Variants in WDR47 observed in about 807,000 individuals in gnomAD.
The protein encoded by WDR47 is WD repeat-containing protein 47.
A neutral mutation model predicts 97.2 loss-of-function variants in WDR47; 32 were observed. The ratio of observed to expected loss-of-function variants is 0.33; its 90% CI spans 0.25 to 0.44. The LOEUF (loss-of-function observed/expected upper bound fraction) is 0.44, where lower values mean the gene tolerates loss of function less well. Ranked by LOEUF, WDR47 falls within the 20% of genes least tolerant of loss-of-function variation. The probability of loss-of-function intolerance (pLI) is 1.00; values close to 1 mark genes in which losing one functional copy is unlikely to be tolerated. For synonymous variants in WDR47, 375 were observed against 373.5 expected, an observed-to-expected ratio of 1.00 and a Z score of -0.05; for missense variants, 782 against 1,102.3, an observed-to-expected ratio of 0.71 and a Z score of 4.11.
intron 1 of WDR47, among the ~76,000 whole-genome samples, chr1:109,040,804 G>A (rs916410398): frequency 6.6e-6 from 1 of 151,942 alleles, no homozygotes; most frequent in Non-Finnish European, 1.5e-5. Context: ...GCCAACACTG[G>A]AGACAAAAAA....
intron 14 of WDR47, among the ~76,000 whole-genome samples, chr1:108,972,894 C>T (rs978689345): frequency 3.3e-5 from 5 of 150,558 alleles, no homozygotes; most frequent in Admixed American, 2.7e-4. Flanking sequence ...TGCAGTGAGC[C>T]GACATTGCAC....
intron 2 of WDR47, among the ~76,000 whole-genome samples, chr1:109,020,668 G>A (rs1012467404): frequency 5.9e-5 from 9 of 151,986 alleles, no homozygotes; most frequent in African/African-American, 2.2e-4. Flanking sequence ...CTTGAGAGCT[G>A]CCACTGTTAA....
chr1:109,038,681 AAAAT>A (rs879519810), intron 1 of WDR47, among the ~76,000 whole-genome samples: 1 of 149,590 alleles, frequency 6.7e-6, no homozygotes, highest in Non-Finnish European at 1.5e-5. Flanking sequence ...CCTGTCTCAA[AAAAT>A]AAATAAACAG....
chr1:109,041,185 TC>T (rs1374291043), intron 1 of WDR47, among the ~76,000 whole-genome samples: 1 of 151,380 alleles, frequency 6.6e-6, no homozygotes, highest in Non-Finnish European at 1.5e-5. Context: ...CCAATATTTT[TC>T]TCCCCAATAA....
chr1:109,002,217 G>C lies in WDR47; in HGVS notation c.1433+7C>G. Reference sequence around the variant, plus strand: ...TCCATATTTTAAAAAGTGATTAGAAGACCAACCTATTAAGGAACTGTTCAG... The same window carrying C: ...TCCATATTTTAAAAAGTGATTAGAACACCAACCTATTAAGGAACTGTTCAG... On this transcript the variant is annotated splice_region_variant and intron_variant, in intron 7 of 14. Coordinates refer to ENST00000369962, the MANE Select transcript of WDR47 (RefSeq NM_001142551.2). The C allele has an allele frequency of 6.4e-7, 1 of 1,556,882 alleles. No individual in the cohort carries two copies. Among genetic ancestry groups the C allele is most frequent in the East Asian group, 2.3e-5 (1 of 43,708 alleles).
intron 7 of WDR47, among the ~76,000 whole-genome samples, chr1:109,001,692 C>T (rs912400683): frequency 1.3e-5 from 2 of 151,946 alleles, no homozygotes; most frequent in Non-Finnish European, 2.9e-5. Context: ...GAGTTTGAGA[C>T]CAGCCTGGGC....
chr1:108,992,934 C>T, intron 8 of WDR47: 1 of 915,760 alleles, frequency 1.1e-6, no homozygotes, highest in Non-Finnish European at 1.7e-6. Flanking sequence ...TTTTAATTTC[C>T]TAGAACTTAA....
chr1:108,988,153 G>A (rs1303736249), intron 9 of WDR47, among the ~76,000 whole-genome samples: 2 of 148,494 alleles, frequency 1.3e-5, no homozygotes, highest in Admixed American at 6.7e-5. Flanking sequence ...GCTGAGGTGG[G>A]AGGATCGATT....
chr1:109,023,000 C>A (rs901232223), intron 2 of WDR47, among the ~76,000 whole-genome samples: 8 of 151,432 alleles, frequency 5.3e-5, no homozygotes, highest in African/African-American at 1.9e-4. Context: ...GTCAGGAGAT[C>A]GAGACCATCC....
chr1:109,037,866 T>C (rs1411686567), intron 1 of WDR47, among the ~76,000 whole-genome samples: 1 of 152,106 alleles, frequency 6.6e-6, no homozygotes, highest in Non-Finnish European at 1.5e-5. Context: ...TCTTTCTTTC[T>C]TTCTCTCTCT....
Position 109,010,925 on chromosome 1 carries a change from G to A in WDR47, c.1121C>T (p.Ser374Phe). The A allele has an allele frequency of 6.2e-7, 1 of 1,610,688 alleles. No homozygotes were observed. The highest frequency in any genetic ancestry group is 2.2e-5 in the East Asian group (1 of 44,816). Residue 374 changes from serine to phenylalanine, a missense_variant, in exon 5 of 15, where the codon TCC (serine) becomes TTC (phenylalanine). Physicochemically the swap from Ser to Phe is radical, Grantham distance 155 (BLOSUM62 -2). This residue lies in a region of WDR47 where 428 missense variants were observed against 584.3 expected (regional missense o/e 0.73). Coordinates refer to ENST00000369962, the MANE Select transcript of WDR47 (RefSeq NM_001142551.2). ...NTECHSIYEE[S>F]PERDTPVDAQ... ...ATAACCAAATGCTTACCGCTCAGGG[G>A]ATTCTTCGTAAATACTGTGACATTC...
chr1:109,002,565 A>T (rs1660299135), intron 6 of WDR47, among the ~76,000 whole-genome samples, 163 bp from the exon 7 acceptor site: 1 of 152,200 alleles, frequency 6.6e-6, no homozygotes, highest in East Asian at 1.9e-4. Flanking sequence ...GTGTCTTAAT[A>T]CTCAAGTGGA....
chr1:109,019,573 A>G (rs1425513020), intron 2 of WDR47, among the ~76,000 whole-genome samples: 1 of 151,980 alleles, frequency 6.6e-6, no homozygotes, highest in African/African-American at 2.4e-5. Context: ...TAGTGGGTAG[A>G]TCTACTGGGA....
intron 7 of WDR47, among the ~76,000 whole-genome samples, chr1:109,000,530 G>C (rs1040552497): frequency 9.0e-6 from 1 of 110,642 alleles, no homozygotes; most frequent in Non-Finnish European, 1.9e-5. Flanking sequence ...AAAAAAAAAG[G>C]CCAGGCGTGG....
chr1:108,991,734 T>C (rs1444314157), intron 8 of WDR47, among the ~76,000 whole-genome samples: 3 of 152,154 alleles, frequency 2.0e-5, no homozygotes, highest in Non-Finnish European at 1.5e-5. Context: ...TAAAACTATG[T>C]TTCCTCTTAA....
At chr1:109,022,286 C>T (rs1176631963) in intron 2 of WDR47, among the ~76,000 whole-genome samples, 1 of 152,156 alleles carries the variant, frequency 6.6e-6, no homozygotes, top group African/African-American at 2.4e-5. Flanking sequence ...AGAATTTACA[C>T]TCTAAGAATG....
chr1:108,973,631 A>T (rs960616004), intron 14 of WDR47, among the ~76,000 whole-genome samples: 1 of 152,178 alleles, frequency 6.6e-6, no homozygotes, highest in African/African-American at 2.4e-5. Flanking sequence ...TGTTGATTTT[A>T]AAAAATATCT....
intron 1 of WDR47, among the ~76,000 whole-genome samples, chr1:109,035,796 A>G (rs1662903568): frequency 6.6e-6 from 1 of 151,470 alleles, no homozygotes; most frequent in African/African-American, 2.4e-5. Context: ...ATGCCCAGCC[A>G]ATTTTTAATT....
chr1:109,007,765 C>A lies in WDR47; in HGVS notation c.1131-3050G>T, dbSNP rs528754509. ...AAATAACTTTCCCAAGGTCACACAG[C>A]CAATAAATGGCAAAGCTATTGTTCA... On this transcript the variant is annotated intron_variant, in intron 5 of 14. Coordinates refer to ENST00000369962, the MANE Select transcript of WDR47 (RefSeq NM_001142551.2). Among the ~76,000 whole-genome samples, 8 of 152,264 alleles carry A rather than the reference C, an allele frequency of 5.3e-5. No individual in the cohort carries two copies. In the East Asian group the frequency reaches 1.5e-3, roughly 29 times the overall value.
Sources: gnomAD v4.1 joint callset for allele counts (sites outside exome capture counted in the v4.1 genomes callset) on GRCh38, gnomAD v4.1.1 for gene constraint, gnomAD v4.1.1 regional missense constraint, MANE v1.5 for transcripts, NCBI Gene and HGNC (gene_info 2026-07-23, HGNC 2026-07-21) for gene names.